Variants in FBLN2 observed in about 807,000 individuals in gnomAD.
The protein encoded by FBLN2 is fibulin-2.
In FBLN2, 81 loss-of-function variants were observed where a neutral mutation model predicts 123.7. The ratio of observed to expected loss-of-function variants is 0.65; its 90% CI spans 0.55 to 0.79. FBLN2 has a LOEUF of 0.79. Ranked by LOEUF, FBLN2 falls within the 30% of genes least tolerant of loss-of-function variation. FBLN2 has a pLI of 0.00. For synonymous variants in FBLN2, 699 were observed against 701.4 expected (o/e 1.00, Z 0.05); for missense variants, 1,603 against 1,681.3 (o/e 0.95, Z 0.81).
At chr3:13,564,043 C>T (rs569374663) in intron 1 of FBLN2, among the ~76,000 whole-genome samples, 23 of 152,350 alleles carry the variant, frequency 1.5e-4, no homozygotes, top group African/African-American at 5.5e-4. Context: ...CTGGGCCCCA[C>T]AGCTTCAGTG....
chr3:13,626,762 A>G (rs935145095), intron 10 of FBLN2, among the ~76,000 whole-genome samples, 183 bp downstream of exon 10: 4 of 152,042 alleles, frequency 2.6e-5, no homozygotes, highest in Non-Finnish European at 4.4e-5. Context: ...AGACCCCACA[A>G]TGGTGGTGTT....
intron 1 of FBLN2, among the ~76,000 whole-genome samples, chr3:13,557,413 C>G (rs11917752): frequency 8.2e-4 from 125 of 152,362 alleles, no homozygotes; most frequent in African/African-American, 2.9e-3. Context: ...AGTACAATTT[C>G]AGCAAAAAAG....
At chr3:13,620,103 G>A (rs1574990660) in intron 8 of FBLN2, among the ~76,000 whole-genome samples, 1 of 152,122 alleles carries the variant, frequency 6.6e-6, no homozygotes, top group Non-Finnish European at 1.5e-5. Context: ...GCATTTCCCG[G>A]AGCAGTGCTT....
At chr3:13,586,495 GTTT>G (rs1245229846) in intron 2 of FBLN2, among the ~76,000 whole-genome samples, 5 of 117,772 alleles carry the variant, frequency 4.2e-5, no homozygotes, top group Admixed American at 2.7e-4. Context: ...TGTCTTAGTT[GTTT>G]TTTTTTTTTT....
intron 4 of FBLN2, among the ~76,000 whole-genome samples, chr3:13,610,300 C>CTG (rs1190359055): frequency 6.6e-6 from 1 of 152,146 alleles, no homozygotes; most frequent in African/African-American, 2.4e-5. Flanking sequence ...ATCGGAAGGA[C>CTG]TGTGGTTTGA....
chr3:13,632,843 T>TAA (rs367943653), intron 16 of FBLN2, among the ~76,000 whole-genome samples: 11 of 147,322 alleles, frequency 7.5e-5, no homozygotes, highest in African/African-American at 2.7e-4. Context: ...TCTTGTTAAT[T>TAA]AAAAAAAAAA....
chr3:13,571,767 TG>T, intron 2 of FBLN2, 106 bp downstream of exon 2: 2 of 1,216,172 alleles, frequency 1.6e-6, no homozygotes, highest in Non-Finnish European at 2.1e-6. Flanking sequence ...TGCTGGACTG[TG>T]GGGCCAGGCC....
At chr3:13,577,812 G>GC (rs111503957) in intron 2 of FBLN2, among the ~76,000 whole-genome samples, 51 of 152,336 alleles carry the variant, frequency 3.3e-4, no homozygotes, top group African/African-American at 1.2e-3. Context: ...ATTGCCACCA[G>GC]CCCGGGGGCA....
rs375080069 is a variant in FBLN2, at chr3:13,568,763, T to C, written c.-41-1552T>C. On this transcript the variant is annotated intron_variant, in intron 1 of 17. Transcript: ENST00000404922. ...TTGATTCCCTTCATTTATTTCATCA[T>C]GGGGCTCATGCCTGCCTGGCGTTCA... The C allele has an allele frequency of 8.1e-6, 8 of 985,618 alleles. No individual in the cohort carries two copies. In the East Asian group the frequency reaches 7.9e-4, roughly 98 times the overall value. The allele number at this position is 985,618 out of a possible 1,614,324, so 61.1% of individuals were successfully genotyped here. A position where few individuals can be genotyped will look rare whatever the true frequency, so the allele number is the denominator to read the frequency against.
chr3:13,571,457 G>T lies in FBLN2; in HGVS notation c.1102G>T (p.Val368Phe), dbSNP rs758652354. 1 of 1,613,084 alleles carries T rather than the reference G, an allele frequency of 6.2e-7. No homozygotes were observed. The highest frequency in any genetic ancestry group is 8.5e-7 in the Non-Finnish European group (1 of 1,179,680). The change falls in exon 2 of 18, where the codon GTC (valine) becomes TTC (phenylalanine). Residue 368 changes from valine (V) to phenylalanine (F), a missense_variant. Coordinates refer to ENST00000404922, the MANE Select transcript of FBLN2 (RefSeq NM_001004019.2). ...HAPSLGKAAL[V>F]PTQAVPGSPR... ...ACCGAGCCTGGGCAAGGCTGCTCTC[G>T]TCCCAACTCAGGCCGTGCCTGGCTC...
intron 4 of FBLN2, among the ~76,000 whole-genome samples, chr3:13,613,603 A>G (rs779786007): frequency 6.6e-6 from 1 of 152,218 alleles, no homozygotes; most frequent in African/African-American, 2.4e-5. Context: ...AAGTAGAGTC[A>G]TCCCCAGTTT....
At chr3:13,609,859 C>T (rs2124881222) in intron 4 of FBLN2, among the ~76,000 whole-genome samples, 1 of 152,334 alleles carries the variant, frequency 6.6e-6, no homozygotes, top group Non-Finnish European at 1.5e-5. Context: ...TTGTAGAGCA[C>T]CACTGTGTGC....
At chr3:13,620,755 G>T (rs1192032910) in intron 8 of FBLN2, among the ~76,000 whole-genome samples, 1 of 152,210 alleles carries the variant, frequency 6.6e-6, no homozygotes, top group African/African-American at 2.4e-5. Flanking sequence ...GTGTCTGGGG[G>T]AGAACAGAGT....
chr3:13,626,801 G>T (rs947716351), intron 10 of FBLN2, among the ~76,000 whole-genome samples: 1 of 152,122 alleles, frequency 6.6e-6, no homozygotes, highest in South Asian at 2.1e-4. Flanking sequence ...CTGAGGCAGG[G>T]TGAGGGCAGG....
intron 2 of FBLN2, among the ~76,000 whole-genome samples, chr3:13,580,834 A>T (rs1293936980): frequency 6.6e-6 from 1 of 152,206 alleles, no homozygotes; most frequent in Non-Finnish European, 1.5e-5. Context: ...CACAGTGCAC[A>T]TTTATTATTG....
intron 4 of FBLN2, among the ~76,000 whole-genome samples, chr3:13,611,427 C>T (rs1015760078): frequency 6.6e-6 from 1 of 152,138 alleles, no homozygotes; most frequent in Non-Finnish European, 1.5e-5. Flanking sequence ...ACACTAACTC[C>T]CATTCCCTCT....
At chr3:13,619,584 G>C (rs1301154867) in intron 7 of FBLN2, 146 bp from the exon 8 acceptor site, 1 of 659,830 alleles carries the variant, frequency 1.5e-6, no homozygotes, top group Non-Finnish European at 2.6e-6. Context: ...GACCAGGAGT[G>C]GCGTTCCTTG....
At chr3:13,598,717 T>C (rs931078734) in intron 2 of FBLN2, among the ~76,000 whole-genome samples, 3 of 152,186 alleles carry the variant, frequency 2.0e-5, no homozygotes, top group African/African-American at 7.2e-5. Context: ...TGCTGTGTGC[T>C]GGGCACTGGA....
At chr3:13,580,720 T>C (rs999107113) in intron 2 of FBLN2, among the ~76,000 whole-genome samples, 1 of 152,232 alleles carries the variant, frequency 6.6e-6, no homozygotes, top group African/African-American at 2.4e-5. Context: ...CCATTCTCGC[T>C]AAACCAATGT....
Sources: gnomAD v4.1 joint callset for allele counts (sites outside exome capture counted in the v4.1 genomes callset) on GRCh38, gnomAD v4.1.1 for gene constraint, MANE v1.5 for transcripts, NCBI Gene and HGNC (gene_info 2026-07-23, HGNC 2026-07-21) for gene names.